Variants in CAMTA1 observed in about 807,000 individuals in gnomAD.
CAMTA1 encodes calmodulin binding transcription activator 1.
In CAMTA1, 27 loss-of-function variants were observed where a neutral mutation model predicts 170.9. That is an observed-to-expected ratio of 0.16 (90% CI 0.12 to 0.22). The LOEUF is 0.22. Among genes scored for constraint, CAMTA1 ranks in the 10% least tolerant of loss-of-function variants. The pLI, the probability that CAMTA1 is intolerant of heterozygous loss-of-function variation, is 1.00. For synonymous variants in CAMTA1, 833 were observed against 891.5 expected (o/e 0.93, Z 1.17); for missense variants, 1,619 against 2,217.2 (o/e 0.73, Z 5.42).
intron 4 of CAMTA1, among the ~76,000 whole-genome samples, chr1:7,109,709 A>G (rs982197004): frequency 6.6e-6 from 1 of 152,230 alleles, no homozygotes; most frequent in Admixed American, 6.5e-5. Flanking sequence ...TCAAGATGTC[A>G]CAGTAAAAAC....
rs35873712 is a variant in CAMTA1, at chr1:7,104,369, T to TACACACAC, written c.302+13014_302+13021dup. 3.0e-4 allele frequency among the ~76,000 whole-genome samples: 45 copies of TACACACAC among 150,970 alleles called. 1 individual carries two copies. Among genetic ancestry groups the TACACACAC allele is most frequent in the East Asian group, 2.5e-3 (13 of 5,100 alleles). ...CACATGCATAAATACTCAATACACA[T>TACACACAC]ACACACACACACACACACACACAGC... On this transcript the variant is annotated intron_variant, in intron 4 of 22. Coordinates refer to ENST00000303635, the MANE Select transcript of CAMTA1 (RefSeq NM_015215.4).
At chr1:7,523,475 G>GA (rs1418262176) in intron 6 of CAMTA1, among the ~76,000 whole-genome samples, 1 of 152,186 alleles carries the variant, frequency 6.6e-6, no homozygotes, top group Non-Finnish European at 1.5e-5. Context: ...TCCAATCCAT[G>GA]AAAAAGGTAT....
intron 3 of CAMTA1, among the ~76,000 whole-genome samples, chr1:6,846,338 A>C (rs1482976095): frequency 6.6e-6 from 1 of 152,234 alleles, no homozygotes; most frequent in Non-Finnish European, 1.5e-5. Flanking sequence ...ACTATTGGAA[A>C]ATGCCCTTAT....
chr1:6,993,241 A>G (rs1696674742), intron 3 of CAMTA1, among the ~76,000 whole-genome samples: 1 of 152,194 alleles, frequency 6.6e-6, no homozygotes, highest in African/African-American at 2.4e-5. Flanking sequence ...GTCAATTTCT[A>G]TTAAAAAAAC....
chr1:6,992,264 G>GTCTTGCCATGTTGCCTAGGCTCGACTTGT (rs1696507887), intron 3 of CAMTA1, among the ~76,000 whole-genome samples: 6 of 150,948 alleles, frequency 4.0e-5, no homozygotes, highest in Admixed American at 4.0e-4. Context: ...TAGCAACGTG[G>GTCTTGCCATGTTGCCTAGGCTCGACTTGT]TCTTGCCATG....
intron 6 of CAMTA1, among the ~76,000 whole-genome samples, chr1:7,558,415 C>A (rs999301491): frequency 2.0e-5 from 3 of 152,234 alleles, no homozygotes; most frequent in Non-Finnish European, 2.9e-5. Context: ...CCCCTCCAGC[C>A]ATCCAGGACA....
rs1023666019 is a variant in CAMTA1 at position 7,063,384 on chromosome 1, C to T, written c.235-27920C>T. ...AGCGCTTTGCTTACCCGTTTGACCA[C>T]GACACCACCGCACCTCCCTGCCCTT... On this transcript the variant is annotated intron_variant, in intron 3 of 22. Coordinates refer to ENST00000303635, the MANE Select transcript of CAMTA1 (RefSeq NM_015215.4). The surrounding 1 kb of genome is among the most constrained non-coding windows in gnomAD (Gnocchi z 4.3). Among the ~76,000 whole-genome samples the T allele has an allele frequency of 4.6e-5, 7 of 152,144 alleles. No individual in the cohort carries two copies. Among genetic ancestry groups the T allele is most frequent in the African/African-American group, 1.7e-4 (7 of 41,432 alleles).
At chr1:7,643,067 G>C (rs544525845) in intron 7 of CAMTA1, among the ~76,000 whole-genome samples, 9 of 152,074 alleles carry the variant, frequency 5.9e-5, no homozygotes, top group African/African-American at 1.9e-4. Context: ...AAGTACTCTT[G>C]CCTTGAAAGG....
intron 12 of CAMTA1, among the ~76,000 whole-genome samples, chr1:7,733,651 T>C (rs1344489256): frequency 6.8e-6 from 1 of 147,378 alleles, no homozygotes; most frequent in African/African-American, 2.5e-5. Flanking sequence ...GTATTTCTTA[T>C]CTCCACTACT....
Position 7,491,570 on chromosome 1 carries a change from G to A in CAMTA1, c.510+23669G>A, listed in dbSNP as rs182042502. Among the ~76,000 whole-genome samples the A allele has an allele frequency of 5.6e-3, 850 of 152,262 alleles. 11 individuals are homozygous for A. The highest frequency in any genetic ancestry group is 0.023 in the South Asian group (109 of 4,822). ...ATCTGGGCGGGGAAAAAGGCAGAGC[G>A]TTAAATAATTACAAGCACTTCGGTG... On this transcript the variant is annotated intron_variant, in intron 6 of 22. Coordinates refer to ENST00000303635, the MANE Select transcript of CAMTA1 (RefSeq NM_015215.4).
At chr1:6,881,310 A>G (rs1671497717) in intron 3 of CAMTA1, among the ~76,000 whole-genome samples, 1 of 152,220 alleles carries the variant, frequency 6.6e-6, no homozygotes, top group South Asian at 2.1e-4. Context: ...TGTGCATGCT[A>G]TTCTAGTGTG....
At chr1:7,626,476 C>T (rs185821033) in intron 6 of CAMTA1, among the ~76,000 whole-genome samples, 10 of 152,204 alleles carry the variant, frequency 6.6e-5, no homozygotes, top group Non-Finnish European at 1.0e-4. Flanking sequence ...CCAAACATCT[C>T]GGGACCCTAC....
chr1:7,499,374 T>C (rs2093925874), intron 6 of CAMTA1, among the ~76,000 whole-genome samples: 1 of 142,176 alleles, frequency 7.0e-6, no homozygotes, highest in Non-Finnish European at 1.6e-5. Flanking sequence ...CGTGTGTATG[T>C]ATATGAGTGT....
In CAMTA1 at chr1:7,174,451, C is replaced by T. The variant is rs1650333676; in HGVS notation, c.303-75040C>T. 1.3e-5 allele frequency among the ~76,000 whole-genome samples: 2 copies of T among 151,996 alleles called. 1 individual carries two copies. The highest frequency in any genetic ancestry group is 4.1e-4 in the South Asian group (2 of 4,832). On this transcript the variant is annotated intron_variant, in intron 4 of 22. Coordinates refer to ENST00000303635, the MANE Select transcript of CAMTA1 (RefSeq NM_015215.4). Reference sequence around the variant, plus strand: ...CATAAAAATACACAAGGCCCTTTTTCAAAAAGTCACTGTTTGCAAGTGCCT... The same window carrying T: ...CATAAAAATACACAAGGCCCTTTTTTAAAAAGTCACTGTTTGCAAGTGCCT...
intron 3 of CAMTA1, among the ~76,000 whole-genome samples, chr1:6,974,331 A>G (rs1557909822): frequency 6.6e-6 from 1 of 152,204 alleles, no homozygotes; most frequent in African/African-American, 2.4e-5. Flanking sequence ...GCTTGCATCT[A>G]TTTTTAAAAA....
intron 3 of CAMTA1, among the ~76,000 whole-genome samples, chr1:6,993,831 T>C (rs1051298511): frequency 3.9e-5 from 6 of 152,210 alleles, no homozygotes; most frequent in Non-Finnish European, 7.3e-5. Flanking sequence ...GAGTGTTTAG[T>C]CTATTTATAT....
At chr1:7,472,884 T>TG (rs1264407505) in intron 6 of CAMTA1, among the ~76,000 whole-genome samples, 1 of 152,122 alleles carries the variant, frequency 6.6e-6, no homozygotes, top group Non-Finnish European at 1.5e-5. Flanking sequence ...CAGTTCACCA[T>TG]GGGGTTCACT....
Position 6,835,448 on chromosome 1 carries a change from C to T in CAMTA1, c.234+10238C>T, listed in dbSNP as rs143811031. On this transcript the variant is annotated intron_variant, in intron 3 of 22. Transcript: ENST00000303635. ...GTTGGAAGGAAAAAGGAAGAATATA[C>T]GGAGAGGCTGGCATTCTTTAGCTGA... Among the ~76,000 whole-genome samples the T allele has an allele frequency of 9.7e-4, 147 of 152,304 alleles. 3 individuals are homozygous for T. The East Asian group carries it at 0.026, about 27-fold the overall frequency.
chr1:7,159,719 A>C (rs918860488), intron 4 of CAMTA1, among the ~76,000 whole-genome samples: 2 of 151,856 alleles, frequency 1.3e-5, no homozygotes, highest in African/African-American at 4.8e-5. Context: ...AATTAAAAAA[A>C]ATTTTTTTTG....
Sources: gnomAD v4.1 joint callset for allele counts (sites outside exome capture counted in the v4.1 genomes callset) on GRCh38, gnomAD v4.1.1 for gene constraint, Gnocchi (gnomAD v3.1) non-coding constraint, MANE v1.5 for transcripts, NCBI Gene and HGNC (gene_info 2026-07-23, HGNC 2026-07-21) for gene names.